The following DNAH14 variants were observed in gnomAD, a reference collection of about 807,000 sequenced individuals.
The protein encoded by DNAH14 is axonemal beta dynein heavy chain 14.
A neutral mutation model predicts 520.9 loss-of-function variants in DNAH14; 478 were observed. That is an observed-to-expected ratio of 0.92 (90% confidence interval 0.85 to 0.99). The LOEUF is 0.99. Ranked by LOEUF, DNAH14 falls within the 50% of genes least tolerant of loss-of-function variation. The pLI is 0.00. For missense variants in DNAH14, 4,831 were observed against 5,234.5 expected (o/e 0.92, Z 2.38); for synonymous variants, 1,581 against 1,757.2 (o/e 0.90, Z 2.51).
chr1:224,997,754 T>A (rs959185879), intron 8 of DNAH14, among the ~76,000 whole-genome samples: 7 of 152,108 alleles, frequency 4.6e-5, no homozygotes, highest in African/African-American at 1.7e-4. Context: ...ATCGATTTTT[T>A]AAATTATTAT....
At position 225,043,276 on chromosome 1, in the gene DNAH14, G is replaced by GAAAAAAA. The variant is rs10671374; in HGVS notation, c.1768+177_1768+183dup. ...GAGACCTTGTCTCTTGTCTCTTGGG[G>GAAAAAAA]AAAAAAAAAAAAAAAAAAAAAGAAT... On this transcript the variant is annotated intron_variant, in intron 13 of 85. Coordinates refer to ENST00000682510, the MANE Select transcript of DNAH14 (RefSeq NM_001367479.1). Among the ~76,000 whole-genome samples the GAAAAAAA allele has an allele frequency of 1.2e-4, 12 of 98,110 alleles. 1 individual carries two copies. Among genetic ancestry groups the GAAAAAAA allele is most frequent in the Non-Finnish European group, 1.1e-4 (6 of 52,374 alleles). The allele number at this position is 98,110 out of a possible 152,430, so 64.4% of individuals were successfully genotyped here.
intron 19 of DNAH14, among the ~76,000 whole-genome samples, chr1:225,081,539 A>C (rs920980118): frequency 6.6e-6 from 1 of 152,172 alleles, no homozygotes; most frequent in Non-Finnish European, 1.5e-5. Flanking sequence ...TCTTTTACCC[A>C]TGGTTCCCCA....
In DNAH14 at chr1:225,268,349, A is replaced by G. The variant is rs184002995; in HGVS notation, c.7539+1580A>G. On this transcript the variant is annotated intron_variant, in intron 49 of 85. Coordinates refer to ENST00000682510, the MANE Select transcript of DNAH14 (RefSeq NM_001367479.1). ...TATCTCAAAATAATAAGAGCTATTTATGACAAACTCACAGCCAATATCATA... is the reference window on the plus strand; with the variant it reads ...TATCTCAAAATAATAAGAGCTATTTGTGACAAACTCACAGCCAATATCATA... Among the ~76,000 whole-genome samples, 133 of 152,334 alleles carry G rather than the reference A, an allele frequency of 8.7e-4. 1 individual carries two copies. In the East Asian group the frequency reaches 0.02, roughly 23 times the overall value.
chr1:225,267,541 C>T (rs925721382), intron 49 of DNAH14, among the ~76,000 whole-genome samples: 21 of 152,148 alleles, frequency 1.4e-4, no homozygotes, highest in African/African-American at 4.8e-4. Flanking sequence ...CCGCCTGCCT[C>T]GGCCTCCCAA....
Position 225,335,545 on chromosome 1 carries a change from G to GTATGTACA in DNAH14, c.10081-1718_10081-1717insGTACATAT, listed in dbSNP as rs1491540578. ...CATATATACATATGTACATATATAC[G>GTATGTACA]TATATACATATGTACATCTATGTAT... On this transcript the variant is annotated intron_variant, in intron 66 of 85. Transcript: ENST00000682510. Among the ~76,000 whole-genome samples the GTATGTACA allele has an allele frequency of 1.8e-3, 123 of 70,042 alleles. 1 individual carries two copies. Among genetic ancestry groups the GTATGTACA allele is most frequent in the Admixed American group, 3.0e-3 (18 of 6,016 alleles). 46.0% of individuals were successfully genotyped at this position (70,042 alleles called of 152,430 possible).
chr1:224,984,844 A>T (rs2062518624), intron 8 of DNAH14, among the ~76,000 whole-genome samples: 1 of 152,196 alleles, frequency 6.6e-6, no homozygotes, highest in Non-Finnish European at 1.5e-5. Flanking sequence ...AGATATACAA[A>T]TGGCTAACAA....
intron 23 of DNAH14, among the ~76,000 whole-genome samples, chr1:225,112,149 A>T (rs2076533320): frequency 6.6e-6 from 1 of 152,122 alleles, no homozygotes; most frequent in South Asian, 2.1e-4. Context: ...CTTGTATAAC[A>T]TGTGTCATCT....
intron 8 of DNAH14, among the ~76,000 whole-genome samples, chr1:224,988,254 G>A (rs2062789839): frequency 6.6e-6 from 1 of 152,124 alleles, no homozygotes; most frequent in Non-Finnish European, 1.5e-5. Context: ...TGGCTGCATA[G>A]TATTCCGTGG....
chr1:225,046,921 A>G (rs1362992367), intron 15 of DNAH14, among the ~76,000 whole-genome samples: 3 of 152,040 alleles, frequency 2.0e-5, no homozygotes, highest in African/African-American at 7.2e-5. Context: ...TCTTGTGACT[A>G]CTTCCTTAGT....
intron 66 of DNAH14, among the ~76,000 whole-genome samples, chr1:225,335,850 T>C (rs760061972): frequency 8.3e-5 from 4 of 48,358 alleles, no homozygotes; most frequent in South Asian, 1.1e-3. Context: ...TACATACACA[T>C]ATGTACATAT....
chr1:225,361,409 G>A (rs1272569616), intron 75 of DNAH14, among the ~76,000 whole-genome samples: 1 of 152,192 alleles, frequency 6.6e-6, no homozygotes, highest in Non-Finnish European at 1.5e-5. Context: ...CTTGTTTGCA[G>A]TGGAAGCATT....
intron 62 of DNAH14, among the ~76,000 whole-genome samples, 154 bp from the exon 63 acceptor site, chr1:225,324,068 G>A (rs559726083): frequency 6.4e-4 from 97 of 152,202 alleles, no homozygotes; most frequent in Non-Finnish European, 1.1e-3. Context: ...CACCCACCTC[G>A]ACCTCCCAAA....
intron 38 of DNAH14, among the ~76,000 whole-genome samples, chr1:225,203,510 A>G (rs1214441829): frequency 6.6e-6 from 1 of 152,132 alleles, no homozygotes; most frequent in African/African-American, 2.4e-5. Context: ...ATTGATAGTT[A>G]AGGAAACCAG....
chr1:225,270,320 T>C (rs553334579), intron 49 of DNAH14, among the ~76,000 whole-genome samples: 3 of 83,724 alleles, frequency 3.6e-5, no homozygotes, highest in African/African-American at 9.6e-5. Flanking sequence ...CGGGGCCTGT[T>C]GTGGGGTGGG....
intron 23 of DNAH14, among the ~76,000 whole-genome samples, chr1:225,114,843 AGG>A (rs1226223730): frequency 1.3e-5 from 2 of 152,226 alleles, no homozygotes; most frequent in Non-Finnish European, 2.9e-5. Flanking sequence ...AGTCCACCAC[AGG>A]GGGTGGGGGA....
chr1:225,021,114 A>ACT (rs976896965), intron 10 of DNAH14, among the ~76,000 whole-genome samples: 48 of 152,342 alleles, frequency 3.2e-4, no homozygotes, highest in African/African-American at 1.2e-3. Flanking sequence ...CATGTTAAAA[A>ACT]CTCTCAACAA....
intron 41 of DNAH14, among the ~76,000 whole-genome samples, chr1:225,215,619 T>C (rs557806587): frequency 1.3e-5 from 2 of 152,382 alleles, no homozygotes; most frequent in African/African-American, 4.8e-5. Context: ...TTAGCTCTTC[T>C]TGTTGAATTG....
rs945931029 is a variant in DNAH14 at position 225,308,014 on chromosome 1, G to C, written c.9115-271G>C. 2.6e-5 allele frequency among the ~76,000 whole-genome samples: 4 copies of C among 152,326 alleles called. No homozygotes were observed. In the South Asian group the frequency reaches 8.3e-4, roughly 32 times the overall value. On this transcript the variant is annotated intron_variant, in intron 59 of 85. Transcript: ENST00000682510. ...ATCCCAGTGGCAGACCAATGGCAGA[G>C]AGCACCAGTGGCGGAGAGCTACCAT...
chr1:224,961,328 A>G (rs1558524738), intron 4 of DNAH14: 1 of 152,176 alleles, frequency 6.6e-6, no homozygotes. Flanking sequence ...GAGATAGTAA[A>G]TGTATGTTGT....
Sources: allele counts gnomAD v4.1 joint callset (sites outside exome capture counted in the v4.1 genomes callset), GRCh38; gene constraint gnomAD v4.1.1; transcripts MANE v1.5; gene names NCBI Gene and HGNC (gene_info 2026-07-23, HGNC 2026-07-21).